PRKCH: variants seen among roughly 807,000 people sequenced by gnomAD.
The protein encoded by PRKCH is protein kinase C eta.
In PRKCH, 28 loss-of-function variants were observed where a neutral mutation model predicts 82.5. That is an observed-to-expected ratio of 0.34 (90% CI 0.25 to 0.47). The LOEUF (loss-of-function observed/expected upper bound fraction) is 0.47, where lower values mean the gene tolerates loss of function less well. PRKCH is among the 20% of genes least tolerant of loss of function. PRKCH has a pLI of 1.00. For missense variants in PRKCH, 705 were observed against 881.8 expected, an observed-to-expected ratio of 0.80 and a Z score of 2.54; for synonymous variants, 322 against 327.4, an observed-to-expected ratio of 0.98 and a Z score of 0.18.
rs1222308666 is a variant in PRKCH at position 61,353,408 on chromosome 14, G to A, written c.363+30944G>A. 3.3e-5 allele frequency: 5 copies of A among 152,052 alleles called. No homozygotes were observed. The East Asian group carries it at 7.7e-4, about 23-fold the overall frequency. The allele number at this position is 152,052 out of a possible 1,614,324, so 9.4% of individuals were successfully genotyped here. On this transcript the variant is annotated intron_variant, in intron 1 of 13. Coordinates refer to ENST00000332981, the MANE Select transcript of PRKCH (RefSeq NM_006255.5). ...AGCTGTTTGAGACTTATTTATATTAGGACAACTAAGACTTGTTTTCTCAAT... is the reference window on the plus strand; with the variant it reads ...AGCTGTTTGAGACTTATTTATATTAAGACAACTAAGACTTGTTTTCTCAAT...
intron 2 of PRKCH, among the ~76,000 whole-genome samples, chr14:61,395,290 GC>G (rs5809093): frequency 0.028 from 3,438 of 124,360 alleles, 183 homozygotes; most frequent in African/African-American, 0.091. Context: ...AGGAAATGGA[GC>G]CCCCCCCCGC....
intron 2 of PRKCH, among the ~76,000 whole-genome samples, chr14:61,418,243 G>A (rs973024600): frequency 2.0e-5 from 3 of 152,224 alleles, no homozygotes; most frequent in African/African-American, 7.2e-5. Flanking sequence ...GCATCTGACA[G>A]GTCGAGCTCA....
At chr14:61,384,523 CAG>C (rs2046558466) in intron 1 of PRKCH, among the ~76,000 whole-genome samples, 2 of 152,018 alleles carry the variant, frequency 1.3e-5, no homozygotes, top group African/African-American at 4.8e-5. Context: ...TTGGTCAGGA[CAG>C]AGCACCAGGA....
At chr14:61,212,593 T>G (rs1432972256) in intron 1 of PRKCH, among the ~76,000 whole-genome samples, 2 of 152,240 alleles carry the variant, frequency 1.3e-5, no homozygotes, top group Admixed American at 6.5e-5. Flanking sequence ...ATCTAAGTAT[T>G]TATCTTTCTG....
intron 5 of PRKCH, 128 bp from the exon 6 acceptor site, chr14:61,450,714 C>A: frequency 9.1e-7 from 1 of 1,098,020 alleles, no homozygotes; most frequent in Non-Finnish European, 1.3e-6. Context: ...GGGCTGAGTA[C>A]AGTAAAATAA....
intron 10 of PRKCH, among the ~76,000 whole-genome samples, chr14:61,519,226 G>A (rs191330704): frequency 3.1e-4 from 47 of 152,202 alleles, no homozygotes; most frequent in African/African-American, 1.1e-3. Flanking sequence ...TGGCTGCAGT[G>A]AGCTATGATC....
At chr14:61,243,397 A>AAAG (rs2044856808) in intron 1 of PRKCH, among the ~76,000 whole-genome samples, 2 of 151,596 alleles carry the variant, frequency 1.3e-5, no homozygotes, top group South Asian at 4.2e-4. Context: ...AAAAAAAAAA[A>AAAG]AAAAAGAAAA....
At chr14:61,525,065 G>T (rs1194260786) in intron 10 of PRKCH, 2 of 152,316 alleles carry the variant, frequency 1.3e-5, no homozygotes, top group African/African-American at 4.8e-5. Flanking sequence ...CTCCTGCCAG[G>T]ACCATGCTGG....
At chr14:61,242,329 T>G (rs912510989) in intron 1 of PRKCH, among the ~76,000 whole-genome samples, 9 of 152,200 alleles carry the variant, frequency 5.9e-5, no homozygotes, top group African/African-American at 4.8e-5. Context: ...TAGTACATTT[T>G]AAGAAAACTC....
At chr14:61,221,461 ACGTGTGCCCCCTT>A (rs2140052874) in intron 1 of PRKCH, among the ~76,000 whole-genome samples, 1 of 151,756 alleles carries the variant, frequency 6.6e-6, no homozygotes, top group East Asian at 2.0e-4. Context: ...GAAAATATTG[ACGTGTGCCCCCTT>A]CATGTGCTTC....
chr14:61,519,927 T>G (rs2042881143), intron 10 of PRKCH, among the ~76,000 whole-genome samples: 1 of 151,980 alleles, frequency 6.6e-6, no homozygotes, highest in Non-Finnish European at 1.5e-5. Flanking sequence ...AGTCTACAAA[T>G]GTGCAGGTTC....
chr14:61,498,198 G>C (rs1886749838), intron 10 of PRKCH, among the ~76,000 whole-genome samples: 1 of 152,062 alleles, frequency 6.6e-6, no homozygotes, highest in Non-Finnish European at 1.5e-5. Flanking sequence ...ATTTTTAGTA[G>C]AGACGGGGTT....
intron 1 of PRKCH, among the ~76,000 whole-genome samples, chr14:61,360,397 C>T (rs1218986676): frequency 2.6e-5 from 4 of 151,816 alleles, no homozygotes; most frequent in East Asian, 1.9e-4. Flanking sequence ...CCCAGCTACT[C>T]GGGAGGCTGA....
intron 1 of PRKCH, among the ~76,000 whole-genome samples, chr14:61,256,400 G>A (rs543452767): frequency 3.2e-4 from 49 of 152,272 alleles, no homozygotes; most frequent in African/African-American, 8.9e-4. Context: ...GCATAGAACC[G>A]TCAGTGAAGC....
chr14:61,205,119 A>G (rs936483162), intron 1 of PRKCH, among the ~76,000 whole-genome samples: 1 of 152,244 alleles, frequency 6.6e-6, no homozygotes, highest in Non-Finnish European at 1.5e-5. Context: ...TGTCACCAAC[A>G]TTGGAGCAAC....
chr14:61,477,291 C>G (rs890142296), intron 9 of PRKCH: 1 of 152,202 alleles, frequency 6.6e-6, no homozygotes, highest in Non-Finnish European at 1.5e-5. Context: ...TGCCTTAAAG[C>G]AATAGCTACA....
At chr14:61,521,680 G>T (rs957120951) in intron 10 of PRKCH, among the ~76,000 whole-genome samples, 1 of 151,742 alleles carries the variant, frequency 6.6e-6, no homozygotes, top group Non-Finnish European at 1.5e-5. Flanking sequence ...TGATCTTCCC[G>T]CTTCGGCCTC....
At chr14:61,251,871 G>T (rs4899036) in intron 1 of PRKCH, among the ~76,000 whole-genome samples, 1 of 151,252 alleles carries the variant, frequency 6.6e-6, no homozygotes, top group Non-Finnish European at 1.5e-5. Context: ...ATGGAGTTTC[G>T]CTCTGTCGCC....
At chr14:61,328,910 T>A (rs1165159476) in intron 1 of PRKCH, among the ~76,000 whole-genome samples, 1 of 150,694 alleles carries the variant, frequency 6.6e-6, no homozygotes, top group Non-Finnish European at 1.5e-5. Context: ...CACTTGAGCC[T>A]GGGAGGTTGA....
Sources: gnomAD v4.1 joint callset for allele counts (sites outside exome capture counted in the v4.1 genomes callset) on GRCh38, gnomAD v4.1.1 for gene constraint, MANE v1.5 for transcripts, NCBI Gene and HGNC (gene_info 2026-07-23, HGNC 2026-07-21) for gene names.